HADH: variants seen among roughly 807,000 people sequenced by gnomAD.
The protein encoded by HADH is hydroxyacyl-CoA dehydrogenase.
Under a neutral mutation model 32.2 loss-of-function variants are expected in HADH, and 24 were observed. That is an observed-to-expected ratio of 0.75 (90% CI 0.54 to 1.05). The LOEUF (loss-of-function observed/expected upper bound fraction) is 1.05, where lower values mean the gene tolerates loss of function less well. Among genes scored for constraint, HADH ranks in the 50% least tolerant of loss-of-function variants. The pLI, the probability that HADH is intolerant of heterozygous loss-of-function variation, is 0.00. For synonymous variants in HADH, 139 were observed against 152.5 expected, an observed-to-expected ratio of 0.91 and a Z score of 0.65; for missense variants, 350 against 397.1, an observed-to-expected ratio of 0.88 and a Z score of 1.01.
chr4:108,023,687 C>A, intron 5 of HADH, 124 bp downstream of exon 5: 1 of 740,008 alleles, frequency 1.4e-6, no homozygotes, highest in East Asian at 2.6e-5. Context: ...CAAGCTTGTC[C>A]ACATGCTGTA....
At chr4:108,022,167 A>ATGTGTGTG (rs60633286) in intron 4 of HADH, among the ~76,000 whole-genome samples, 21 of 125,014 alleles carry the variant, frequency 1.7e-4, no homozygotes, top group African/African-American at 5.7e-4. Flanking sequence ...ACATATATAT[A>ATGTGTGTG]TGTGTGTGTG....
chr4:108,004,799 C>A, intron 1 of HADH: 1 of 1,535,976 alleles, frequency 6.5e-7, no homozygotes, highest in South Asian at 1.2e-5. Flanking sequence ...TTAGGAGTTA[C>A]TACACTTCAA....
At chr4:108,020,070 A>G (rs568467703) in intron 4 of HADH, among the ~76,000 whole-genome samples, 6 of 152,190 alleles carry the variant, frequency 3.9e-5, no homozygotes, top group Non-Finnish European at 8.8e-5. Context: ...GATACACTAT[A>G]CTAGCTTGTC....
intron 1 of HADH, among the ~76,000 whole-genome samples, chr4:108,005,945 G>A (rs575487390): frequency 2.9e-4 from 44 of 152,342 alleles, no homozygotes; most frequent in African/African-American, 1.0e-3. Flanking sequence ...GGAGCAGGCA[G>A]GTGACCATCA....
intron 1 of HADH, among the ~76,000 whole-genome samples, chr4:108,003,730 T>C (rs938558861): frequency 1.3e-5 from 2 of 150,846 alleles, no homozygotes; most frequent in African/African-American, 4.9e-5. Flanking sequence ...CAAAATAAAA[T>C]AGTTTACCTT....
chr4:108,001,302 G>C (rs540232965), intron 1 of HADH, among the ~76,000 whole-genome samples: 2 of 152,282 alleles, frequency 1.3e-5, no homozygotes, highest in South Asian at 4.1e-4. Flanking sequence ...TTGGTTTCAG[G>C]CACAGTTGGA....
intron 3 of HADH, among the ~76,000 whole-genome samples, chr4:108,018,566 C>G (rs138755523): frequency 1.0e-3 from 152 of 152,242 alleles, no homozygotes; most frequent in Middle Eastern, 3.4e-3. Flanking sequence ...TACCTCTTTT[C>G]CCTCCTTTCC....
rs4956032 is a variant in HADH at position 108,023,423 on chromosome 4, C to T, written c.547-51C>T. On this transcript the variant is annotated intron_variant, in intron 4 of 7. Coordinates refer to ENST00000309522, the MANE Select transcript of HADH (RefSeq NM_005327.7). ...TCAATCATTCCTTGAACCATTCTACCGAAGTTGCTTGCTGACACTCTGGTC... is the reference window on the plus strand; with the variant it reads ...TCAATCATTCCTTGAACCATTCTACTGAAGTTGCTTGCTGACACTCTGGTC... 0.91 allele frequency: 945,229 copies of T among 1,034,726 alleles called. 433,806 individuals carry two copies. Among genetic ancestry groups the T allele is most frequent in the East Asian group, 0.97 (40,993 of 42,328 alleles). The allele number at this position is 1,034,726 out of a possible 1,614,324, so 64.1% of individuals were successfully genotyped here. A position where few individuals can be genotyped will look rare whatever the true frequency, so the allele number is the denominator to read the frequency against.
At chr4:108,015,426 C>CT (rs1177308572) in intron 3 of HADH, among the ~76,000 whole-genome samples, 2 of 152,124 alleles carry the variant, frequency 1.3e-5, no homozygotes, top group Non-Finnish European at 2.9e-5. Flanking sequence ...ACTAGTGTGT[C>CT]TTTTTTTGAA....
chr4:108,028,855 A>G (rs141464800), intron 6 of HADH: 206 of 398,394 alleles, frequency 5.2e-4, no homozygotes, highest in African/African-American at 4.0e-3. Flanking sequence ...TCTCCAATGC[A>G]CCAAGTATCA....
In HADH at chr4:108,034,723, A is replaced by G. The variant is rs1736402655; in HGVS notation, c.*366A>G. 2 of 353,294 alleles carry G rather than the reference A, an allele frequency of 5.7e-6. No homozygotes were observed. The highest frequency in any genetic ancestry group is 4.4e-5 in the South Asian group (2 of 45,348). 21.9% of individuals were successfully genotyped at this position (353,294 alleles called of 1,614,324 possible). ...CTGAGAGTGCGAGTGCACCATGCTC[A>G]CTGTTGCTGCGTGGGAGAGTCACAA... On this transcript the variant is annotated 3_prime_UTR_variant, in exon 8 of 8. Transcript: ENST00000309522.
chr4:107,996,073 A>T (rs944314872), intron 1 of HADH, among the ~76,000 whole-genome samples: 4 of 152,178 alleles, frequency 2.6e-5, no homozygotes, highest in African/African-American at 7.2e-5. Flanking sequence ...TGAAGATGGG[A>T]TCACAATCAG....
chr4:108,030,300 CTCT>C (rs1236998317), intron 6 of HADH: 1 of 152,564 alleles, frequency 6.6e-6, no homozygotes, highest in Non-Finnish European at 1.5e-5. Context: ...GTCATCACAA[CTCT>C]TCTTGCTTTG....
In HADH at chr4:108,023,576, G is replaced by C. The variant is rs17511214; in HGVS notation, c.636+13G>C. 6.9e-7 allele frequency: 1 copy of C among 1,455,482 alleles called. No homozygotes were observed. Among genetic ancestry groups the C allele is most frequent in the Non-Finnish European group, 9.7e-7 (1 of 1,034,682 alleles). The allele number at this position is 1,455,482 out of a possible 1,614,324, so 90.2% of individuals were successfully genotyped here. A position where few individuals can be genotyped will look rare whatever the true frequency, so the allele number is the denominator to read the frequency against. On this transcript the variant is annotated intron_variant, in intron 5 of 7. Transcript: ENST00000309522. ...TGTTTCTTGCAAGGTAAGAGTATGGGTAGCTTGGGAAGGAGGTAGTTCTTT... is the reference window on the plus strand; with the variant it reads ...TGTTTCTTGCAAGGTAAGAGTATGGCTAGCTTGGGAAGGAGGTAGTTCTTT...
chr4:108,033,994 C>T lies in HADH; in HGVS notation c.827-245C>T, dbSNP rs4422481. On this transcript the variant is annotated intron_variant, in intron 7 of 7. Coordinates refer to ENST00000309522, the MANE Select transcript of HADH (RefSeq NM_005327.7). ...GATTTCTGAGAAGACACTGGATAAG[C>T]AGGAGGACCATAGTAGGGCCAGGCT... Among the ~76,000 whole-genome samples, 115,119 of 152,224 alleles carry T rather than the reference C, an allele frequency of 0.76. 46,127 individuals are homozygous for T. The highest frequency in any genetic ancestry group is 0.96 in the East Asian group (4,959 of 5,180).
rs1330653612 is a variant in HADH, at chr4:108,004,751, G to A, written c.133-5008G>A. 5 of 1,535,032 alleles carry A rather than the reference G, an allele frequency of 3.3e-6. No homozygotes were observed. In the Admixed American group the frequency reaches 5.9e-5, roughly 18 times the overall value. On this transcript the variant is annotated intron_variant, in intron 1 of 7. Coordinates refer to ENST00000309522, the MANE Select transcript of HADH (RefSeq NM_005327.7). ...GTTAGATGGAAAAGAGATTTTTAAG[G>A]TCAAAAGAAGCAGCTGAAGAACATG... is the stretch of plus-strand genomic sequence containing the variant.
intron 5 of HADH, chr4:108,023,802 A>G: frequency 2.0e-6 from 1 of 508,738 alleles, no homozygotes; most frequent in Non-Finnish European, 3.6e-6. Flanking sequence ...AATGGAGCTC[A>G]GGACACCAGC....
intron 1 of HADH, among the ~76,000 whole-genome samples, chr4:108,003,916 CT>C (rs1164773499): frequency 6.6e-6 from 1 of 152,112 alleles, no homozygotes; most frequent in Admixed American, 6.6e-5. Flanking sequence ...CCCAACAACC[CT>C]GTTGCCCCTG....
At chr4:107,991,168 A>ATTT (rs1560719327) in intron 1 of HADH, among the ~76,000 whole-genome samples, 1 of 150,502 alleles carries the variant, frequency 6.6e-6, no homozygotes, top group Non-Finnish European at 1.5e-5. Flanking sequence ...TTTTTTTTTA[A>ATTT]AAATTATTCC....
Sources: allele counts gnomAD v4.1 joint callset (sites outside exome capture counted in the v4.1 genomes callset), GRCh38; gene constraint gnomAD v4.1.1; transcripts MANE v1.5; gene names NCBI Gene and HGNC (gene_info 2026-07-23, HGNC 2026-07-21).